VSTM4: variants seen among roughly 807,000 people sequenced by gnomAD.
VSTM4 encodes the protein V-set and transmembrane domain-containing protein 4.
A neutral mutation model predicts 36.4 loss-of-function variants in VSTM4; 20 were observed. The ratio of observed to expected loss-of-function variants is 0.55; its 90% CI spans 0.39 to 0.80. The LOEUF (loss-of-function observed/expected upper bound fraction) is 0.80. Among genes scored for constraint, VSTM4 ranks in the 30% least tolerant of loss-of-function variants. The probability of loss-of-function intolerance (pLI) is 0.00; values close to 1 mark genes in which losing one functional copy is unlikely to be tolerated. For synonymous variants in VSTM4, 182 were observed against 173.9 expected, an observed-to-expected ratio of 1.05 and a Z score of -0.37; for missense variants, 392 against 404.5, an observed-to-expected ratio of 0.97 and a Z score of 0.26.
chr10:49,106,910 G>A (rs1844793268), intron 2 of VSTM4, among the ~76,000 whole-genome samples: 1 of 152,198 alleles, frequency 6.6e-6, no homozygotes, highest in African/African-American at 2.4e-5. Context: ...GAAAGTGCCT[G>A]CCTGAGAAAA....
chr10:49,072,963 G>A lies in VSTM4; in HGVS notation c.634+4256C>T, dbSNP rs1378100345. The stretch of plus-strand genomic sequence containing the variant: ...CTGGGTGATTTGTTACTCAGCAAGA[G>A]ATACCTTGAACATTTTGGGATTACC... On this transcript the variant is annotated intron_variant, in intron 4 of 7. Coordinates refer to ENST00000332853, the MANE Select transcript of VSTM4 (RefSeq NM_001031746.5). 3.3e-5 allele frequency among the ~76,000 whole-genome samples: 5 copies of A among 152,222 alleles called. No individual in the cohort carries two copies. In the East Asian group the frequency reaches 9.6e-4, roughly 29 times the overall value.
At chr10:49,051,537 A>C (rs1774759382) in intron 5 of VSTM4, among the ~76,000 whole-genome samples, 2 of 152,028 alleles carry the variant, frequency 1.3e-5, no homozygotes, top group Non-Finnish European at 2.9e-5. Flanking sequence ...CGGGGATTAC[A>C]GGTGCCTGCC....
chr10:49,039,999 T>C (rs755586029), intron 7 of VSTM4, among the ~76,000 whole-genome samples: 2 of 152,224 alleles, frequency 1.3e-5, no homozygotes, highest in African/African-American at 4.8e-5. Context: ...TCCGAAGCTT[T>C]GCTGCAGGGC....
intron 4 of VSTM4, among the ~76,000 whole-genome samples, chr10:49,069,473 G>A (rs1380746827): frequency 6.6e-6 from 1 of 152,192 alleles, no homozygotes; most frequent in Non-Finnish European, 1.5e-5. Flanking sequence ...CCCATCTCCT[G>A]CAGCCCAGCA....
intron 2 of VSTM4, 49 bp downstream of exon 2, chr10:49,107,545 A>G (rs769469780): frequency 1.2e-5 from 19 of 1,548,994 alleles, no homozygotes; most frequent in Admixed American, 1.9e-5. Context: ...AGGGGGGCCT[A>G]CTGGCCTGCC....
chr10:49,104,320 T>G (rs1345471445), intron 2 of VSTM4, among the ~76,000 whole-genome samples: 1 of 147,262 alleles, frequency 6.8e-6, no homozygotes, highest in Non-Finnish European at 1.5e-5. Flanking sequence ...CAACAACAAC[T>G]ATGAACATGA....
intron 2 of VSTM4, among the ~76,000 whole-genome samples, chr10:49,101,021 A>G (rs192533536): frequency 9.5e-4 from 144 of 152,234 alleles, no homozygotes; most frequent in African/African-American, 3.1e-3. Flanking sequence ...ATAAAAAAAC[A>G]GATTCCAAAG....
intron 2 of VSTM4, among the ~76,000 whole-genome samples, chr10:49,098,097 C>T (rs1392645898): frequency 6.6e-6 from 1 of 152,118 alleles, no homozygotes; most frequent in East Asian, 1.9e-4. Context: ...AGCAGTGCAC[C>T]TCCCTGTTGA....
rs1913518 is a variant in VSTM4, at chr10:49,017,690, G to A, written c.*1960C>T. On this transcript the variant is annotated 3_prime_UTR_variant, in exon 8 of 8. Transcript: ENST00000332853. ...CCCCCTGGCCTGTTGCCCTCTTCCC[G>A]CCATTTCCTTTTCATGTGCCCCCTC... is the stretch of plus-strand genomic sequence containing the variant. 102,873 of 152,042 alleles carry A rather than the reference G, an allele frequency of 0.68. 36,629 individuals are homozygous for A. Among genetic ancestry groups the A allele is most frequent in the Non-Finnish European group, 0.8 (54,548 of 68,024 alleles). The allele number at this position is 152,042 out of a possible 1,614,324, so 9.4% of individuals were successfully genotyped here.
intron 4 of VSTM4, among the ~76,000 whole-genome samples, chr10:49,075,201 C>G (rs918229283): frequency 6.6e-6 from 1 of 152,258 alleles, no homozygotes; most frequent in Admixed American, 6.5e-5. Flanking sequence ...CAGGTGCTTG[C>G]ACATGTCCCA....
chr10:49,091,640 G>C (rs879375562), intron 2 of VSTM4, among the ~76,000 whole-genome samples: 10 of 152,142 alleles, frequency 6.6e-5, no homozygotes, highest in Non-Finnish European at 1.3e-4. Flanking sequence ...TTCACACCAA[G>C]ACCCTGTGAC....
At chr10:49,063,299 C>T (rs1439402856) in intron 5 of VSTM4, among the ~76,000 whole-genome samples, 1 of 152,148 alleles carries the variant, frequency 6.6e-6, no homozygotes, top group Non-Finnish European at 1.5e-5. Context: ...CATGCTATTG[C>T]ACTCCAGCCT....
chr10:49,069,214 T>C (rs1270921157), intron 4 of VSTM4, among the ~76,000 whole-genome samples: 2 of 152,116 alleles, frequency 1.3e-5, no homozygotes, highest in Non-Finnish European at 2.9e-5. Flanking sequence ...TCAGGCCCCG[T>C]AACAGTGTTG....
chr10:49,048,493 C>A lies in VSTM4; in HGVS notation c.760G>T (p.Ala254Ser), dbSNP rs753977306. The A allele has an allele frequency of 3.1e-6, 5 of 1,593,326 alleles. No homozygotes were observed. Among genetic ancestry groups the A allele is most frequent in the Non-Finnish European group, 4.3e-6 (5 of 1,173,164 alleles). ...RQKEKPDIPPAVPAKAPIAPT... is the reference protein window; with the variant it reads ...RQKEKPDIPPSVPAKAPIAPT... ...AGCTCCTTACCTTTGGCAGGGACTG[C>A]GGGAGGAATGTCAGGCTTCTCCTTC... is the stretch of plus-strand genomic sequence containing the variant. The change falls in exon 6 of 8, where the codon GCA (alanine) becomes TCA (serine). Residue 254 changes from alanine to serine, a missense_variant. Physicochemically the swap from Ala to Ser is moderately conservative, Grantham distance 99. Coordinates refer to ENST00000332853, the MANE Select transcript of VSTM4 (RefSeq NM_001031746.5).
At chr10:49,062,891 C>T (rs137997304) in intron 5 of VSTM4, among the ~76,000 whole-genome samples, 28 of 152,194 alleles carry the variant, frequency 1.8e-4, no homozygotes, top group South Asian at 2.1e-4. Flanking sequence ...CTATTGAGCC[C>T]GAACAGTGAG....
At position 49,107,790 on chromosome 10, in the gene VSTM4, A is replaced by G; in HGVS notation, c.261T>C (p.Tyr87=). ...GTTTGGCGCTGCGGCTGAAATTCCCATAGTACTGCACCACCCGGAGCTTGG... is the reference window on the plus strand; with the variant it reads ...GTTTGGCGCTGCGGCTGAAATTCCCGTAGTACTGCACCACCCGGAGCTTGG... The part of the protein sequence containing the change: ...KMTKLRVVQY[Y]GNFSRSAKRR... Residue 87 remains tyrosine (Y), a synonymous_variant, in exon 2 of 8, where the codon TAT becomes TAC. Coordinates refer to ENST00000332853, the MANE Select transcript of VSTM4 (RefSeq NM_001031746.5). The G allele has an allele frequency of 6.2e-7, 1 of 1,614,230 alleles. No homozygotes were observed. Among genetic ancestry groups the G allele is most frequent in the Non-Finnish European group, 8.5e-7 (1 of 1,180,030 alleles).
chr10:49,033,639 G>C (rs1317696806), intron 7 of VSTM4, among the ~76,000 whole-genome samples: 1 of 152,184 alleles, frequency 6.6e-6, no homozygotes, highest in Non-Finnish European at 1.5e-5. Flanking sequence ...AAAGGCATCA[G>C]AGCTCAGAGT....
At chr10:49,093,263 G>T (rs1345127978) in intron 2 of VSTM4, among the ~76,000 whole-genome samples, 1 of 152,028 alleles carries the variant, frequency 6.6e-6, no homozygotes, top group Non-Finnish European at 1.5e-5. Context: ...ACTGCCGTGG[G>T]GTCGGAGCCC....
chr10:49,027,718 CT>C (rs776537042), intron 7 of VSTM4, among the ~76,000 whole-genome samples: 1 of 152,148 alleles, frequency 6.6e-6, no homozygotes, highest in Admixed American at 6.5e-5. Flanking sequence ...CTGGGATTGG[CT>C]TTTTTTACTG....
Sources: allele counts gnomAD v4.1 joint callset (sites outside exome capture counted in the v4.1 genomes callset), GRCh38; gene constraint gnomAD v4.1.1; transcripts MANE v1.5; gene names NCBI Gene and HGNC (gene_info 2026-07-23, HGNC 2026-07-21).